The following RUNX1 variants were observed in gnomAD, a reference collection of about 807,000 sequenced individuals.
RUNX1 encodes runt-related transcription factor 1.
A neutral mutation model predicts 42.8 loss-of-function variants in RUNX1; 19 were observed. That is an observed-to-expected ratio of 0.44 (90% CI 0.31 to 0.65). The LOEUF (loss-of-function observed/expected upper bound fraction) is 0.65. Among genes scored for constraint, RUNX1 ranks in the 30% least tolerant of loss-of-function variants. The pLI is 0.07. For missense variants in RUNX1, 528 were observed against 672.0 expected (o/e 0.79, Z 2.37); for synonymous variants, 271 against 289.4 (o/e 0.94, Z 0.64).
intron 2 of RUNX1, among the ~76,000 whole-genome samples, chr21:34,935,588 T>G (rs2058478807): frequency 1.3e-5 from 2 of 152,180 alleles, no homozygotes; most frequent in Non-Finnish European, 2.9e-5. Flanking sequence ...GACACTTTTT[T>G]TTTTTGTAAC....
intron 2 of RUNX1, among the ~76,000 whole-genome samples, chr21:35,034,001 AT>A (rs34605461): frequency 6.6e-6 from 1 of 152,190 alleles, no homozygotes; most frequent in Non-Finnish European, 1.5e-5. Context: ...AAGATAACTT[AT>A]TTTAAGTTTA....
At chr21:34,906,069 C>A (rs978250997) in intron 2 of RUNX1, among the ~76,000 whole-genome samples, 4 of 152,150 alleles carry the variant, frequency 2.6e-5, no homozygotes, top group Admixed American at 6.5e-5. Context: ...AACCTGAATT[C>A]CCCTTTGAGA....
At chr21:34,897,765 T>C (rs919246234) in intron 2 of RUNX1, among the ~76,000 whole-genome samples, 1 of 152,162 alleles carries the variant, frequency 6.6e-6, no homozygotes, top group African/African-American at 2.4e-5. Context: ...AGAAACTGGT[T>C]GTAGAAGGCA....
intron 2 of RUNX1, among the ~76,000 whole-genome samples, chr21:35,034,590 A>G (rs2059294168): frequency 6.6e-6 from 1 of 152,226 alleles, no homozygotes; most frequent in African/African-American, 2.4e-5. Context: ...CTGGAGATAC[A>G]TTTGGTTGTG....
In RUNX1 at chr21:34,907,209, A is replaced by G. The variant is rs1361762057; in HGVS notation, c.59-14246T>C. Among the ~76,000 whole-genome samples the G allele has an allele frequency of 6.6e-6, 1 of 152,192 alleles. No homozygotes were observed. Among genetic ancestry groups the G allele is most frequent in the Non-Finnish European group, 1.5e-5 (1 of 68,022 alleles). Reference sequence around the variant, plus strand: ...AAGAAAACCTAAACAGGAGAATCCCACTTAGCATCTGCCCACAGGTAAGGG... The same window carrying G: ...AAGAAAACCTAAACAGGAGAATCCCGCTTAGCATCTGCCCACAGGTAAGGG... On this transcript the variant is annotated intron_variant, in intron 2 of 8. Transcript: ENST00000675419. The surrounding 1 kb of genome is among the most constrained non-coding windows in gnomAD (Gnocchi z 5.3).
rs528457851 is a variant in RUNX1, at chr21:34,907,883, C to G, written c.59-14920G>C. Among the ~76,000 whole-genome samples, 1 of 152,166 alleles carries G rather than the reference C, an allele frequency of 6.6e-6. No individual in the cohort carries two copies. Among genetic ancestry groups the G allele is most frequent in the African/African-American group, 2.4e-5 (1 of 41,464 alleles). ...CATTTTGTTTAGAGGTGAAAAGATT[C>G]TTAGCAAACATTTTGTCCAATCCAT... On this transcript the variant is annotated intron_variant, in intron 2 of 8. Transcript: ENST00000675419. This position sits in a 1 kb window ranked among gnomAD's most constrained non-coding sequence, Gnocchi z 5.3.
intron 5 of RUNX1, among the ~76,000 whole-genome samples, chr21:34,869,695 C>A (rs77449187): frequency 0.04 from 6,023 of 152,214 alleles, 343 homozygotes; most frequent in African/African-American, 0.14. Context: ...TGGCTTCCAG[C>A]GGAACATCCG....
intron 2 of RUNX1, among the ~76,000 whole-genome samples, chr21:35,016,880 ATTGT>A (rs1289951089): frequency 6.4e-5 from 8 of 125,926 alleles, no homozygotes; most frequent in African/African-American, 2.3e-4. Flanking sequence ...GTGTGTGCAC[ATTGT>A]GTGTGTGTGT....
At chr21:35,047,665 T>G (rs1489390962) in intron 2 of RUNX1, among the ~76,000 whole-genome samples, 1 of 151,554 alleles carries the variant, frequency 6.6e-6, no homozygotes, top group African/African-American at 2.4e-5. Context: ...GCATTTGCTG[T>G]GATAAAGTGG....
chr21:34,928,041 T>C (rs1233181683), intron 2 of RUNX1, among the ~76,000 whole-genome samples: 1 of 152,188 alleles, frequency 6.6e-6, no homozygotes, highest in Non-Finnish European at 1.5e-5. Flanking sequence ...GTAACTTCAA[T>C]AAGCGGCCAG....
intron 2 of RUNX1, among the ~76,000 whole-genome samples, chr21:35,023,134 G>C (rs2059211817): frequency 6.6e-6 from 1 of 151,888 alleles, no homozygotes. Context: ...TGTAGAGACA[G>C]GGTTTTGCCA....
chr21:34,859,806 A>G (rs1247312847), intron 5 of RUNX1, among the ~76,000 whole-genome samples: 1 of 152,218 alleles, frequency 6.6e-6, no homozygotes, highest in African/African-American at 2.4e-5. Flanking sequence ...TCATCAATAA[A>G]CAATACAAGA....
chr21:34,913,186 T>A (rs1038167170), intron 2 of RUNX1, among the ~76,000 whole-genome samples: 3 of 152,062 alleles, frequency 2.0e-5, no homozygotes, highest in African/African-American at 7.2e-5. Flanking sequence ...TAAGCCAAGA[T>A]CGTGCTACTC....
At chr21:34,978,181 G>A (rs1294639141) in intron 2 of RUNX1, among the ~76,000 whole-genome samples, 1 of 152,002 alleles carries the variant, frequency 6.6e-6, no homozygotes, top group African/African-American at 2.4e-5. Context: ...CTCATGATCC[G>A]CCCGCCTCGG....
intron 2 of RUNX1, among the ~76,000 whole-genome samples, chr21:34,993,498 T>TACAC (rs71324340): frequency 0.022 from 2,850 of 128,466 alleles, 77 homozygotes; most frequent in African/African-American, 0.045. Context: ...TGTTTGTCCC[T>TACAC]ACACACACAC....
Position 34,791,615 on chromosome 21 carries a change from G to A in RUNX1, c.*520C>T, listed in dbSNP as rs983240319. On this transcript the variant is annotated 3_prime_UTR_variant, in exon 9 of 9. Coordinates refer to ENST00000675419, the MANE Select transcript of RUNX1 (RefSeq NM_001754.5). ...ATAAAAACCACCCAAATGCAAATAC[G>A]CATTTTGCAATTGATAAGGTGCGGA... 9.6e-5 allele frequency: 22 copies of A among 229,324 alleles called. No homozygotes were observed. Among genetic ancestry groups the A allele is most frequent in the Admixed American group, 5.1e-4 (9 of 17,628 alleles). 14.2% of individuals were successfully genotyped at this position (229,324 alleles called of 1,614,324 possible). A position where few individuals can be genotyped will look rare whatever the true frequency, so the allele number is the denominator to read the frequency against.
chr21:34,891,544 G>A (rs1032143929), intron 3 of RUNX1, among the ~76,000 whole-genome samples: 9 of 152,140 alleles, frequency 5.9e-5, no homozygotes, highest in African/African-American at 1.9e-4. Context: ...GCCACAGCGT[G>A]TACGAAGTGA....
In RUNX1 at chr21:34,951,118, G is replaced by A. The variant is rs926068079; in HGVS notation, c.59-58155C>T. Among the ~76,000 whole-genome samples, 21 of 152,292 alleles carry A rather than the reference G, an allele frequency of 1.4e-4. 1 individual carries two copies. The South Asian group carries it at 2.9e-3, about 21-fold the overall frequency. On this transcript the variant is annotated intron_variant, in intron 2 of 8. Coordinates refer to ENST00000675419, the MANE Select transcript of RUNX1 (RefSeq NM_001754.5). Reference sequence around the variant, plus strand: ...GCCGAGTGTTAGACATATCCTTGCAGGTGGGGAAACTTCATCCACTTATCT... The same window carrying A: ...GCCGAGTGTTAGACATATCCTTGCAAGTGGGGAAACTTCATCCACTTATCT...
At chr21:34,950,618 T>A (rs1290405771) in intron 2 of RUNX1, among the ~76,000 whole-genome samples, 1 of 152,202 alleles carries the variant, frequency 6.6e-6, no homozygotes. Context: ...GTGCCTGTAG[T>A]CTCAGCTATT....
Sources: allele counts gnomAD v4.1 joint callset (sites outside exome capture counted in the v4.1 genomes callset), GRCh38; gene constraint gnomAD v4.1.1; non-coding constraint Gnocchi (gnomAD v3.1); transcripts MANE v1.5; gene names NCBI Gene and HGNC (gene_info 2026-07-23, HGNC 2026-07-21).